Variants in PKP4 observed in about 807,000 individuals in gnomAD.
PKP4 encodes the protein plakophilin 4, also known as plakophilin-4.
Under a neutral mutation model 145.1 loss-of-function variants are expected in PKP4, and 90 were observed. The observed-to-expected ratio is 0.62, with a 90% confidence interval of 0.52 to 0.74. The LOEUF (loss-of-function observed/expected upper bound fraction) is 0.74. PKP4 is among the 30% of genes least tolerant of loss of function. PKP4 has a pLI of 0.00. For missense variants in PKP4, 1,340 were observed against 1,482.7 expected, an observed-to-expected ratio of 0.90 and a Z score of 1.58; for synonymous variants, 563 against 577.2, an observed-to-expected ratio of 0.98 and a Z score of 0.35.
At chr2:158,528,573 A>G (rs1574307588) in intron 1 of PKP4, among the ~76,000 whole-genome samples, 1 of 139,054 alleles carries the variant, frequency 7.2e-6, no homozygotes, top group Admixed American at 7.5e-5. Flanking sequence ...CCAGCATGGC[A>G]CATGTATACA....
intron 1 of PKP4, among the ~76,000 whole-genome samples, chr2:158,474,209 A>G (rs1288792239): frequency 6.6e-6 from 1 of 151,408 alleles, no homozygotes; most frequent in Non-Finnish European, 1.5e-5. Flanking sequence ...GAGCAAAGAC[A>G]GAGGGAAGCT....
At chr2:158,512,989 A>G (rs916745578) in intron 1 of PKP4, among the ~76,000 whole-genome samples, 2 of 152,346 alleles carry the variant, frequency 1.3e-5, no homozygotes, top group South Asian at 2.1e-4. Flanking sequence ...TCTCAGGACC[A>G]TCTCTGTCCC....
At chr2:158,617,262 A>G (rs998936713) in intron 4 of PKP4, among the ~76,000 whole-genome samples, 3 of 152,148 alleles carry the variant, frequency 2.0e-5, no homozygotes, top group African/African-American at 7.2e-5. Context: ...CGAAGATGCT[A>G]ATTTGATGTT....
intron 19 of PKP4, among the ~76,000 whole-genome samples, chr2:158,674,327 C>G (rs976568679): frequency 6.6e-6 from 1 of 152,176 alleles, no homozygotes; most frequent in African/African-American, 2.4e-5. Flanking sequence ...GGCCACACTT[C>G]GAGACGCACT....
At chr2:158,486,000 T>A (rs1236088046) in intron 1 of PKP4, among the ~76,000 whole-genome samples, 1 of 152,162 alleles carries the variant, frequency 6.6e-6, no homozygotes, top group Non-Finnish European at 1.5e-5. Flanking sequence ...CATTAAATTT[T>A]TTTTATTTCT....
chr2:158,517,672 T>G (rs1353589300), intron 1 of PKP4, among the ~76,000 whole-genome samples: 1 of 152,014 alleles, frequency 6.6e-6, no homozygotes, highest in African/African-American at 2.4e-5. Flanking sequence ...TCCCAGCACT[T>G]TGAGAGGCCC....
chr2:158,513,028 A>G (rs1174048821), intron 1 of PKP4, among the ~76,000 whole-genome samples: 1 of 152,114 alleles, frequency 6.6e-6, no homozygotes, highest in African/African-American at 2.4e-5. Context: ...TTGTAATCTC[A>G]CTTGTTTTTA....
At position 158,608,808 on chromosome 2, in the gene PKP4, C is replaced by CTTT. The variant is rs66933766; in HGVS notation, c.280+5725_280+5727dup. 9.9e-3 allele frequency among the ~76,000 whole-genome samples: 852 copies of CTTT among 86,124 alleles called. 33 individuals carry two copies. The highest frequency in any genetic ancestry group is 0.018 in the African/African-American group (346 of 19,638). 56.5% of individuals were successfully genotyped at this position (86,124 alleles called of 152,430 possible). A position where few individuals can be genotyped will look rare whatever the true frequency, so the allele number is the denominator to read the frequency against. ...AGTAAAATCTTATTTTCTTTTCTTTCTTTTTTTTTTTTTTTTTTTTTTTGA... is the reference window on the plus strand; with the variant it reads ...AGTAAAATCTTATTTTCTTTTCTTTCTTTTTTTTTTTTTTTTTTTTTTTTTTGA... On this transcript the variant is annotated intron_variant, in intron 4 of 21. Transcript: ENST00000389759.
rs766785030 is a variant in PKP4, at chr2:158,676,723, T to C, written c.3128-16T>C. The C allele has an allele frequency of 1.8e-5, 29 of 1,613,980 alleles. No individual in the cohort carries two copies. Among genetic ancestry groups the C allele is most frequent in the Non-Finnish European group, 2.2e-5 (26 of 1,179,984 alleles). On this transcript the variant is annotated splice_polypyrimidine_tract_variant and intron_variant, in intron 19 of 21. Transcript: ENST00000389759. ...TTTCTACCCCTCTTTCTCTCCTCCT[T>C]TGCCTCTCCCTTCAGTCGGCAGCAC...
intron 1 of PKP4, among the ~76,000 whole-genome samples, chr2:158,502,982 T>A (rs1420428779): frequency 6.6e-6 from 1 of 152,264 alleles, no homozygotes; most frequent in East Asian, 1.9e-4. Flanking sequence ...CTAAGAAGTG[T>A]TAAAGACTTT....
At chr2:158,545,071 C>G (rs1351354527) in intron 2 of PKP4, among the ~76,000 whole-genome samples, 1 of 55,664 alleles carries the variant, frequency 1.8e-5, no homozygotes, top group African/African-American at 6.4e-5. Context: ...CTAAGTCTTT[C>G]ACTTTTTTTT....
chr2:158,466,265 G>T (rs962970640), intron 1 of PKP4, among the ~76,000 whole-genome samples: 1 of 152,028 alleles, frequency 6.6e-6, no homozygotes, highest in African/African-American at 2.4e-5. Context: ...CCTATCCTCT[G>T]TCCTTTTGTA....
intron 1 of PKP4, among the ~76,000 whole-genome samples, chr2:158,480,710 A>T (rs1693223351): frequency 6.6e-6 from 1 of 152,210 alleles, no homozygotes; most frequent in Non-Finnish European, 1.5e-5. Context: ...GCATATTACA[A>T]TTGAGATGTA....
chr2:158,616,069 A>C (rs1440917671), intron 4 of PKP4, among the ~76,000 whole-genome samples: 2 of 152,214 alleles, frequency 1.3e-5, no homozygotes, highest in Non-Finnish European at 2.9e-5. Context: ...CTTATATTTG[A>C]ATCAACAAAC....
intron 3 of PKP4, among the ~76,000 whole-genome samples, chr2:158,584,906 A>G (rs891135649): frequency 6.6e-6 from 1 of 152,194 alleles, no homozygotes; most frequent in Non-Finnish European, 1.5e-5. Flanking sequence ...TGAAAGAGAA[A>G]GTTTATTTCT....
chr2:158,565,900 G>A (rs1396134811), intron 2 of PKP4, among the ~76,000 whole-genome samples: 1 of 152,146 alleles, frequency 6.6e-6, no homozygotes, highest in African/African-American at 2.4e-5. Flanking sequence ...AAACCATACA[G>A]ATAACATGAA....
rs928366377 is a variant in PKP4, at chr2:158,680,972, A to G, written c.*295A>G. 1 of 293,680 alleles carries G rather than the reference A, an allele frequency of 3.4e-6. No homozygotes were observed. Among genetic ancestry groups the G allele is most frequent in the African/African-American group, 2.2e-5 (1 of 46,050 alleles). The allele number at this position is 293,680 out of a possible 1,614,324, so 18.2% of individuals were successfully genotyped here. A position where few individuals can be genotyped will look rare whatever the true frequency, so the allele number is the denominator to read the frequency against. On this transcript the variant is annotated 3_prime_UTR_variant, in exon 22 of 22. Coordinates refer to ENST00000389759, the MANE Select transcript of PKP4 (RefSeq NM_003628.6). ...AAATGGGTGAAATGAAATGGGGGATATGTAGGTCAAATCAAATTAAAGATG... is the reference window on the plus strand; with the variant it reads ...AAATGGGTGAAATGAAATGGGGGATGTGTAGGTCAAATCAAATTAAAGATG...
At chr2:158,599,068 G>T (rs2050013092) in intron 3 of PKP4, among the ~76,000 whole-genome samples, 2 of 152,188 alleles carry the variant, frequency 1.3e-5, no homozygotes, top group Non-Finnish European at 2.9e-5. Flanking sequence ...AGGGCCTTCT[G>T]TGCCATCTGA....
chr2:158,542,780 T>TACC (rs1313740124), intron 2 of PKP4, among the ~76,000 whole-genome samples: 2 of 152,256 alleles, frequency 1.3e-5, no homozygotes, highest in East Asian at 1.9e-4. Flanking sequence ...TTACTACTAC[T>TACC]ACCACCACCA....
Sources: gnomAD v4.1 joint callset for allele counts (sites outside exome capture counted in the v4.1 genomes callset) on GRCh38, gnomAD v4.1.1 for gene constraint, MANE v1.5 for transcripts, NCBI Gene and HGNC (gene_info 2026-07-23, HGNC 2026-07-21) for gene names.